The following ATP23 variants were observed in gnomAD, a reference collection of about 807,000 sequenced individuals.
ATP23 encodes the protein ATP23 metallopeptidase and ATP synthase assembly factor homolog.
A neutral mutation model predicts 28.5 loss-of-function variants in ATP23; 24 were observed. The ratio of observed to expected loss-of-function variants is 0.84; its 90% CI spans 0.61 to 1.18. The LOEUF is 1.18. Ranked by LOEUF, ATP23 falls within the 50% of genes most tolerant of loss-of-function variation. ATP23 has a pLI of 0.00. For synonymous variants in ATP23, 99 were observed against 108.6 expected (o/e 0.91, Z 0.55); for missense variants, 274 against 306.4 (o/e 0.89, Z 0.79).
intron 5 of ATP23, among the ~76,000 whole-genome samples, chr12:57,955,686 T>C (rs1956859926): frequency 6.6e-6 from 1 of 152,260 alleles, no homozygotes; most frequent in Non-Finnish European, 1.5e-5. Flanking sequence ...TCCTCTCTTT[T>C]TAGCAACTGT....
intron 1 of ATP23, among the ~76,000 whole-genome samples, chr12:57,943,301 G>T (rs533404392): frequency 1.2e-4 from 18 of 152,238 alleles, no homozygotes; most frequent in African/African-American, 4.1e-4. Context: ...AGGTGTGGAA[G>T]GTGACTTAAC....
chr12:57,944,711 C>T (rs989232319), intron 1 of ATP23, among the ~76,000 whole-genome samples: 4 of 152,224 alleles, frequency 2.6e-5, no homozygotes, highest in Admixed American at 1.3e-4. Flanking sequence ...CCTTGTTCTG[C>T]CCTTTGAAGA....
At chr12:57,944,298 T>A (rs1362240567) in intron 1 of ATP23, among the ~76,000 whole-genome samples, 1 of 152,216 alleles carries the variant, frequency 6.6e-6, no homozygotes, top group Non-Finnish European at 1.5e-5. Flanking sequence ...TCTCACCTAT[T>A]TTTGCCTTCA....
rs1053361876 is a variant in ATP23 at position 57,957,600 on chromosome 12, C to T, written c.*710C>T. 1.3e-5 allele frequency among the ~76,000 whole-genome samples: 2 copies of T among 152,190 alleles called. No individual in the cohort carries two copies. The highest frequency in any genetic ancestry group is 4.8e-5 in the African/African-American group (2 of 41,452). On this transcript the variant is annotated 3_prime_UTR_variant, in exon 6 of 6. Coordinates refer to ENST00000300145, the MANE Select transcript of ATP23 (RefSeq NM_033276.4). ...AGAAGTGGGAAAGGGAGACCCTCCT[C>T]TCCCACACACACCCCCCCACTGGAG... is the stretch of plus-strand genomic sequence containing the variant.
In ATP23 at chr12:57,941,826, T is replaced by G. The variant is rs1277633830; in HGVS notation, c.125T>G (p.Phe42Cys). 6.2e-7 allele frequency: 1 copy of G among 1,612,808 alleles called. No homozygotes were observed. Among genetic ancestry groups the G allele is most frequent in the South Asian group, 1.1e-5 (1 of 90,722 alleles). ...CAGGGGAATCCCCAGCAAGGGTTCT[T>G]CTCCAGCTTCTTCACCAGCAACCAG... ...LAQGNPQQGFFSSFFTSNQKC... is the reference protein window; with the variant it reads ...LAQGNPQQGFCSSFFTSNQKC... Residue 42 changes from phenylalanine (F) to cysteine (C), a missense_variant, in exon 1 of 6, where the codon TTC becomes TGC. Phe to Cys is a radical substitution (Grantham distance 205, BLOSUM62 -2). Transcript: ENST00000300145.
intron 2 of ATP23, 72 bp from the exon 3 acceptor site, chr12:57,946,923 T>G: frequency 7.5e-7 from 1 of 1,341,454 alleles, no homozygotes; most frequent in Non-Finnish European, 1.1e-6. Context: ...GAGGGTCTCC[T>G]GAGCCCTGGC....
In ATP23 at chr12:57,953,669, G is replaced by A; in HGVS notation, c.517G>A (p.Gly173Arg). 6.2e-7 allele frequency: 1 copy of A among 1,613,938 alleles called. No homozygotes were observed. The highest frequency in any genetic ancestry group is 2.2e-5 in the East Asian group (1 of 44,852). ...LVNEIFRLHF[G>R]LKQHHQTCVR... ...CAATGAAATATTCAGGTTACATTTT[G>A]GATTAAAACAACACCACCAGGTAAA... is the stretch of plus-strand genomic sequence containing the variant. Residue 173 changes from glycine to arginine, a missense_variant, in exon 5 of 6, where the codon GGA becomes AGA. Transcript: ENST00000300145.
chr12:57,944,025 T>C (rs369032423), intron 1 of ATP23, among the ~76,000 whole-genome samples: 1 of 150,338 alleles, frequency 6.7e-6, no homozygotes. Flanking sequence ...ATTCTAAATA[T>C]TGCTGCAGGT....
intron 3 of ATP23, among the ~76,000 whole-genome samples, chr12:57,948,071 G>A (rs1956779480): frequency 6.6e-6 from 1 of 151,994 alleles, no homozygotes; most frequent in Admixed American, 6.6e-5. Flanking sequence ...TTATCTGTGG[G>A]GCTTGGGCAA....
Position 57,941,651 on chromosome 12 carries a change from C to G in ATP23, c.-51C>G, listed in dbSNP as rs373811781. On this transcript the variant is annotated 5_prime_UTR_variant, in exon 1 of 6. Transcript: ENST00000300145. Reference sequence around the variant, plus strand: ...GGAGGGAGGTTACCTTTCCCAGTCTCGCTCTGGCCGCCTGAGCCAGGAGGA... The same window carrying G: ...GGAGGGAGGTTACCTTTCCCAGTCTGGCTCTGGCCGCCTGAGCCAGGAGGA... 2.5e-6 allele frequency: 4 copies of G among 1,578,010 alleles called. No homozygotes were observed. The highest frequency in any genetic ancestry group is 1.4e-5 in the African/African-American group (1 of 73,934).
Position 57,946,975 on chromosome 12 carries a change from C to A in ATP23, c.234-20C>A. The stretch of plus-strand genomic sequence containing the variant: ...CATACACACTGTTTCTGGACATTGT[C>A]TCCTTTTCTTGCCTTTTAGTGCTGT... On this transcript the variant is annotated intron_variant, in intron 2 of 5. Coordinates refer to ENST00000300145, the MANE Select transcript of ATP23 (RefSeq NM_033276.4). 1 of 1,612,386 alleles carries A rather than the reference C, an allele frequency of 6.2e-7. No homozygotes were observed. The highest frequency in any genetic ancestry group is 1.1e-5 in the South Asian group (1 of 90,898).
At chr12:57,946,851 G>A in intron 2 of ATP23, 144 bp from the exon 3 acceptor site, 1 of 627,880 alleles carries the variant, frequency 1.6e-6, no homozygotes, top group Non-Finnish European at 2.8e-6. Flanking sequence ...CAGTCCTGAA[G>A]ATGTTGTTTC....
intron 1 of ATP23, among the ~76,000 whole-genome samples, chr12:57,943,155 G>A (rs975512629): frequency 6.6e-6 from 1 of 152,174 alleles, no homozygotes; most frequent in Non-Finnish European, 1.5e-5. Context: ...TATGTATTGA[G>A]TGCCTCCCAG....
At chr12:57,944,537 C>CTAT (rs1200694056) in intron 1 of ATP23, among the ~76,000 whole-genome samples, 1 of 152,214 alleles carries the variant, frequency 6.6e-6, no homozygotes, top group Non-Finnish European at 1.5e-5. Context: ...AACCTCTGTG[C>CTAT]TATTGCTGGC....
intron 2 of ATP23, 97 bp from the exon 3 acceptor site, chr12:57,946,898 A>C: frequency 1.1e-6 from 1 of 917,782 alleles, no homozygotes; most frequent in Non-Finnish European, 1.7e-6. Context: ...AGTAGAGGGG[A>C]TTTACTATAT....
Position 57,956,719 on chromosome 12 carries a change from C to A in ATP23, c.570C>A (p.Ile190=). 1.2e-6 allele frequency: 2 copies of A among 1,613,746 alleles called. No individual in the cohort carries two copies. Among genetic ancestry groups the A allele is most frequent in the African/African-American group, 2.7e-5 (2 of 75,000 alleles). The change falls in exon 6 of 6, where the codon ATC becomes ATA. Residue 190 remains isoleucine, a synonymous_variant. Coordinates refer to ENST00000300145, the MANE Select transcript of ATP23 (RefSeq NM_033276.4). ...TCVRDRATLS[I]LAVRNISKEV... is the part of the protein sequence containing the mutation. ...TGCGAGACAGAGCCACTCTTTCTAT[C>A]CTGGCTGTTAGGAATATCAGCAAAG...
intron 1 of ATP23, among the ~76,000 whole-genome samples, chr12:57,943,354 GA>G (rs1956726432): frequency 6.6e-6 from 1 of 152,100 alleles, no homozygotes; most frequent in Admixed American, 6.5e-5. Flanking sequence ...AAGAGAAGGG[GA>G]AAATACCTTT....
chr12:57,941,989 A>G, intron 1 of ATP23, 101 bp downstream of exon 1: 1 of 1,445,194 alleles, frequency 6.9e-7, no homozygotes, highest in Non-Finnish European at 9.4e-7. Flanking sequence ...CTTCAGGTTC[A>G]GCACAGAGTC....
In ATP23 at chr12:57,956,928, C is replaced by T. The variant is rs1428805518; in HGVS notation, c.*38C>T. 4 of 1,526,676 alleles carry T rather than the reference C, an allele frequency of 2.6e-6. No homozygotes were observed. The highest frequency in any genetic ancestry group is 1.4e-5 in the African/African-American group (1 of 70,802). The allele number at this position is 1,526,676 out of a possible 1,614,324, so 94.6% of individuals were successfully genotyped here. The stretch of plus-strand genomic sequence containing the variant: ...TTTTATATTACAGAGCTTCCATCAT[C>T]ATGAAGAAAAAAAAATTTGGTTCTC... On this transcript the variant is annotated 3_prime_UTR_variant, in exon 6 of 6. Coordinates refer to ENST00000300145, the MANE Select transcript of ATP23 (RefSeq NM_033276.4).
Sources: allele counts gnomAD v4.1 joint callset (sites outside exome capture counted in the v4.1 genomes callset), GRCh38; gene constraint gnomAD v4.1.1; transcripts MANE v1.5; gene names NCBI Gene and HGNC (gene_info 2026-07-23, HGNC 2026-07-21).